Variants in MTCL1 observed in about 807,000 individuals in gnomAD.
MTCL1 encodes the protein microtubule cross-linking factor 1.
A neutral mutation model predicts 141.4 loss-of-function variants in MTCL1; 79 were observed. That is an observed-to-expected ratio of 0.56 (90% CI 0.47 to 0.67). MTCL1 has a LOEUF of 0.67. Among genes scored for constraint, MTCL1 ranks in the 30% least tolerant of loss-of-function variants. MTCL1 has a pLI of 0.00. For synonymous variants in MTCL1, 914 were observed against 875.8 expected (o/e 1.04, Z -0.77); for missense variants, 2,177 against 2,113.9 (o/e 1.03, Z -0.59).
intron 1 of MTCL1, among the ~76,000 whole-genome samples, chr18:8,709,640 G>T (rs1160872187): frequency 2.0e-5 from 3 of 152,070 alleles, no homozygotes; most frequent in Non-Finnish European, 2.9e-5. Flanking sequence ...CAAATTTTAC[G>T]TTGCTATATT....
At chr18:8,738,940 TA>T (rs936780983) in intron 4 of MTCL1, among the ~76,000 whole-genome samples, 1 of 152,152 alleles carries the variant, frequency 6.6e-6, no homozygotes, top group South Asian at 2.1e-4. Flanking sequence ...CTTGTTCATC[TA>T]AAAAAAATCA....
At chr18:8,744,511 ACTT>A (rs1410706267) in intron 4 of MTCL1, among the ~76,000 whole-genome samples, 2 of 152,156 alleles carry the variant, frequency 1.3e-5, no homozygotes, top group Non-Finnish European at 2.9e-5. Flanking sequence ...TGAGATAAAA[ACTT>A]CTCCTGGTTT....
chr18:8,790,908 G>A (rs1231210062), intron 7 of MTCL1, among the ~76,000 whole-genome samples: 1 of 152,148 alleles, frequency 6.6e-6, no homozygotes, highest in African/African-American at 2.4e-5. Context: ...CCAGCTGCTC[G>A]GGAGGCTGAG....
At chr18:8,794,952 A>G (rs1400027734) in intron 8 of MTCL1, among the ~76,000 whole-genome samples, 1 of 152,216 alleles carries the variant, frequency 6.6e-6, no homozygotes, top group Non-Finnish European at 1.5e-5. Context: ...CCCCACCCAA[A>G]AAAAGACCAC....
chr18:8,737,614 G>A (rs1451056300), intron 4 of MTCL1, among the ~76,000 whole-genome samples: 2 of 152,250 alleles, frequency 1.3e-5, no homozygotes, highest in Non-Finnish European at 2.9e-5. Context: ...AGGCATCTGG[G>A]ATCTCCGTCA....
intron 5 of MTCL1, among the ~76,000 whole-genome samples, chr18:8,781,521 A>T (rs1400283914): frequency 6.6e-6 from 1 of 152,214 alleles, no homozygotes; most frequent in Non-Finnish European, 1.5e-5. Flanking sequence ...AGAAGGAAAA[A>T]GACTCTTTAC....
chr18:8,711,368 A>G (rs1417627992), intron 1 of MTCL1, among the ~76,000 whole-genome samples: 2 of 149,850 alleles, frequency 1.3e-5, no homozygotes, highest in Non-Finnish European at 3.0e-5. Flanking sequence ...ATGTGTCTTT[A>G]TAGCAGCATG....
chr18:8,785,634 C>T (rs949543779), intron 6 of MTCL1: 4 of 365,504 alleles, frequency 1.1e-5, no homozygotes, highest in Admixed American at 4.5e-5. Context: ...GCATCGCCAT[C>T]GCATGTGCCC....
chr18:8,824,863 A>G lies in MTCL1; in HGVS notation c.3353A>G (p.Tyr1118Cys), dbSNP rs112747828. The G allele has an allele frequency of 2.1e-5, 34 of 1,613,944 alleles. No individual in the cohort carries two copies. Among genetic ancestry groups the G allele is most frequent in the South Asian group, 7.7e-5 (7 of 91,082 alleles). The stretch of plus-strand genomic sequence containing the variant: ...GAGGAGTTCAACAAGAGCTGGGACT[A>G]CACACCCAACAGGGGCCACAATGGT... The change falls in exon 15 of 17, where the codon TAC (tyrosine) becomes TGC (cysteine). Residue 1118 changes from tyrosine (Y) to cysteine (C), a missense_variant. Tyr to Cys is a radical substitution (Grantham distance 194). Coordinates refer to ENST00000359865, the Ensembl canonical transcript of MTCL1.
chr18:8,825,574 C>T, exon 15 of MTCL1: 2 of 1,613,332 alleles, frequency 1.2e-6, no homozygotes, highest in Non-Finnish European at 1.7e-6. Context: ...GGGGGCGGTG[C>T]TACACCCGTG....
chr18:8,741,877 C>T (rs1329708111), intron 4 of MTCL1, among the ~76,000 whole-genome samples: 6 of 152,108 alleles, frequency 3.9e-5, no homozygotes, highest in Non-Finnish European at 8.8e-5. Context: ...GTGGCTCCGC[C>T]GCAGGGTGGG....
intron 4 of MTCL1, among the ~76,000 whole-genome samples, chr18:8,737,363 A>G (rs990585447): frequency 3.3e-5 from 5 of 152,258 alleles, no homozygotes; most frequent in Admixed American, 6.5e-5. Context: ...GAAAGCATTA[A>G]GAAGCTACCT....
intron 4 of MTCL1, among the ~76,000 whole-genome samples, chr18:8,754,350 C>T (rs924358263): frequency 6.6e-6 from 1 of 152,170 alleles, no homozygotes; most frequent in African/African-American, 2.4e-5. Flanking sequence ...GGATTACAGG[C>T]GTGAGCCACC....
chr18:8,758,777 A>G (rs548876640), intron 4 of MTCL1, among the ~76,000 whole-genome samples: 39 of 152,358 alleles, frequency 2.6e-4, no homozygotes, highest in African/African-American at 8.9e-4. Flanking sequence ...CGATCAGACA[A>G]TAATGGGTGG....
At chr18:8,745,997 T>C (rs1402326390) in intron 4 of MTCL1, among the ~76,000 whole-genome samples, 5 of 152,238 alleles carry the variant, frequency 3.3e-5, no homozygotes, top group Admixed American at 1.3e-4. Context: ...TATTTGTCTT[T>C]TTGTGTGTTT....
intron 1 of MTCL1, among the ~76,000 whole-genome samples, chr18:8,710,193 T>C (rs993648999): frequency 3.9e-5 from 6 of 152,242 alleles, no homozygotes; most frequent in African/African-American, 1.4e-4. Context: ...ACACCTTGTG[T>C]TGTGCTGTAA....
intron 12 of MTCL1, among the ~76,000 whole-genome samples, chr18:8,813,778 G>A (rs746060147): frequency 1.6e-4 from 25 of 152,182 alleles, no homozygotes; most frequent in Non-Finnish European, 2.9e-4. Context: ...GTAGCTGGTA[G>A]CTCATCATCT....
chr18:8,827,028 T>C (rs1269644555), intron 15 of MTCL1, among the ~76,000 whole-genome samples: 1 of 152,218 alleles, frequency 6.6e-6, no homozygotes, highest in Non-Finnish European at 1.5e-5. Flanking sequence ...TGATGCCACT[T>C]TGTGGTTCGT....
intron 11 of MTCL1, 89 bp downstream of exon 10, chr18:8,807,149 G>A (rs1195105497): frequency 3.3e-5 from 44 of 1,329,336 alleles, no homozygotes; most frequent in Non-Finnish European, 4.5e-5. Context: ...GAGAGATTCA[G>A]AACCATGGGC....
Sources: allele counts gnomAD v4.1 joint callset (sites outside exome capture counted in the v4.1 genomes callset), GRCh38; gene constraint gnomAD v4.1.1; transcripts MANE v1.5; gene names NCBI Gene and HGNC (gene_info 2026-07-23, HGNC 2026-07-21).